Variants in KIF18A observed in about 807,000 individuals in gnomAD.
KIF18A encodes kinesin family member 18A.
A neutral mutation model predicts 103.3 loss-of-function variants in KIF18A; 67 were observed. The ratio of observed to expected loss-of-function variants is 0.65; its 90% CI spans 0.53 to 0.79. The LOEUF (loss-of-function observed/expected upper bound fraction) is 0.79. Ranked by LOEUF, KIF18A falls within the 30% of genes least tolerant of loss-of-function variation. The pLI is 0.00. For missense variants in KIF18A, 1,032 were observed against 1,062.5 expected (o/e 0.97, Z 0.40); for synonymous variants, 367 against 355.5 (o/e 1.03, Z -0.36).
chr11:28,022,547 G>A (rs1850260807), intron 16 of KIF18A, among the ~76,000 whole-genome samples: 1 of 152,162 alleles, frequency 6.6e-6, no homozygotes, highest in Non-Finnish European at 1.5e-5. Context: ...GATTACAGGC[G>A]TGAGCCACGG....
In KIF18A at chr11:28,097,837, C is replaced by T; in HGVS notation, c.111G>A (p.Val37=). The T allele has an allele frequency of 6.2e-7, 1 of 1,613,232 alleles. No individual in the cohort carries two copies. The highest frequency in any genetic ancestry group is 8.5e-7 in the Non-Finnish European group (1 of 1,179,522). The change falls in exon 2 of 17, where the codon GTG becomes GTA. Residue 37 remains valine, a synonymous_variant. Coordinates refer to ENST00000263181, the MANE Select transcript of KIF18A (RefSeq NM_031217.4). ...AAGFHKVVHV[V]DKHILVFDPK... The stretch of plus-strand genomic sequence containing the variant: ...GATCAAAAACTAGGATATGTTTATC[C>T]ACAACATGAACCACTTTATGAAATC...
intron 13 of KIF18A, among the ~76,000 whole-genome samples, chr11:28,039,082 T>C (rs1346272412): frequency 6.6e-6 from 1 of 151,628 alleles, no homozygotes; most frequent in African/African-American, 2.4e-5. Context: ...CCAAGTGACC[T>C]TGGGCAACTC....
chr11:28,050,318 G>T (rs989485338), intron 13 of KIF18A, among the ~76,000 whole-genome samples: 5 of 151,802 alleles, frequency 3.3e-5, no homozygotes, highest in Non-Finnish European at 7.4e-5. Flanking sequence ...TGTATTTAGG[G>T]ATACAAGCAT....
At chr11:28,042,907 A>T (rs1360156744) in intron 13 of KIF18A, among the ~76,000 whole-genome samples, 2 of 151,900 alleles carry the variant, frequency 1.3e-5, no homozygotes, top group African/African-American at 4.8e-5. Context: ...TGTATAGCTC[A>T]GACTCTTAAG....
intron 13 of KIF18A, among the ~76,000 whole-genome samples, chr11:28,050,160 TCA>T (rs1565076033): frequency 1.3e-5 from 2 of 151,838 alleles, no homozygotes; most frequent in East Asian, 1.9e-4. Flanking sequence ...TGTTTCTCTC[TCA>T]GTTTCATTTT....
intron 11 of KIF18A, among the ~76,000 whole-genome samples, chr11:28,066,703 A>G (rs1444635101): frequency 6.6e-6 from 1 of 150,552 alleles, no homozygotes; most frequent in Non-Finnish European, 1.5e-5. Flanking sequence ...CAGCTGGAAG[A>G]AAATCTACAC....
At chr11:28,107,902 C>A (rs1220432462) in intron 1 of KIF18A, among the ~76,000 whole-genome samples, 162 bp downstream of exon 1, 1 of 152,148 alleles carries the variant, frequency 6.6e-6, no homozygotes, top group Non-Finnish European at 1.5e-5. Context: ...TTCTCGAATC[C>A]CTTTTTCCTT....
intron 10 of KIF18A, among the ~76,000 whole-genome samples, chr11:28,071,503 A>G (rs1367574404): frequency 6.7e-6 from 1 of 149,036 alleles, no homozygotes; most frequent in Non-Finnish European, 1.5e-5. Context: ...TTTTATTAAT[A>G]TAATTTTTAT....
intron 5 of KIF18A, among the ~76,000 whole-genome samples, chr11:28,090,404 T>G (rs1851286067): frequency 6.6e-6 from 1 of 152,232 alleles, no homozygotes; most frequent in Admixed American, 6.5e-5. Flanking sequence ...TCCTCCTGTA[T>G]GTTTACAAAG....
intron 1 of KIF18A, among the ~76,000 whole-genome samples, chr11:28,099,058 C>G (rs1031844732): frequency 6.6e-6 from 1 of 152,042 alleles, no homozygotes; most frequent in African/African-American, 2.4e-5. Context: ...CAACATTATT[C>G]ACAATAACTA....
At chr11:28,046,090 T>C (rs1850628991) in intron 13 of KIF18A, among the ~76,000 whole-genome samples, 1 of 151,324 alleles carries the variant, frequency 6.6e-6, no homozygotes, top group Non-Finnish European at 1.5e-5. Flanking sequence ...TTTTACACTG[T>C]TGGTGGGACT....
chr11:28,048,588 T>C (rs1256715135), intron 13 of KIF18A, among the ~76,000 whole-genome samples: 1 of 152,082 alleles, frequency 6.6e-6, no homozygotes, highest in African/African-American at 2.4e-5. Context: ...TAAAACTAAA[T>C]ACTAATATAA....
rs1850484452 is a variant in KIF18A, at chr11:28,036,156, C to T, written c.2396+61G>A. 3.7e-6 allele frequency: 4 copies of T among 1,084,144 alleles called. No individual in the cohort carries two copies. In the East Asian group the frequency reaches 9.9e-5, roughly 27 times the overall value. 67.2% of individuals were successfully genotyped at this position (1,084,144 alleles called of 1,614,324 possible). A position where few individuals can be genotyped will look rare whatever the true frequency, so the allele number is the denominator to read the frequency against. On this transcript the variant is annotated intron_variant, in intron 14 of 16. Transcript: ENST00000263181. ...CACACTTGGTTTATGAAATAAACCT[C>T]AACTAATAGTTGAAAGTCTATGTTA...
intron 3 of KIF18A, among the ~76,000 whole-genome samples, chr11:28,093,641 A>G (rs908141295): frequency 6.6e-6 from 1 of 152,172 alleles, no homozygotes; most frequent in Non-Finnish European, 1.5e-5. Context: ...CAATTTGAAC[A>G]TACAAAAAAT....
chr11:28,098,124 A>AATAC, intron 1 of KIF18A, 131 bp from the exon 2 acceptor site: 1 of 537,406 alleles, frequency 1.9e-6, no homozygotes, highest in Non-Finnish European at 3.2e-6. Flanking sequence ...CTGGGGGAAA[A>AATAC]ATACATACAT....
chr11:28,023,762 G>A lies in KIF18A; in HGVS notation c.2593C>T (p.Gln865Ter). The A allele has an allele frequency of 1.2e-6, 2 of 1,609,004 alleles. No homozygotes were observed. The highest frequency in any genetic ancestry group is 2.2e-5 in the South Asian group (2 of 90,834). The change falls in exon 16 of 17, where the codon CAA (glutamine) becomes TAA (stop). Residue 865 changes from glutamine (Q) to a stop codon, truncating the protein, a stop_gained. Transcript: ENST00000263181. LOFTEE classifies it high-confidence loss of function. The part of the protein sequence containing the change: ...RQDNSSEKHL[Q>*]ENKPTMEHKR... ...ATACCCATTGTTGGTTTGTTTTCTT[G>A]TAAGTGCTTCTCACTTGAATTATCT...
At chr11:28,066,624 A>G (rs965674812) in intron 11 of KIF18A, among the ~76,000 whole-genome samples, 1 of 151,706 alleles carries the variant, frequency 6.6e-6, no homozygotes, top group Non-Finnish European at 1.5e-5. Context: ...GTGTCAATGG[A>G]AGGGCTTTAG....
rs1851347641 is a variant in KIF18A at position 28,094,761 on chromosome 11, GTGTGGGTCTTCCCAGCA to G, written c.348_364del (p.Ala117TyrfsTer6). The G allele has an allele frequency of 6.2e-7, 1 of 1,613,838 alleles. No individual in the cohort carries two copies. Among genetic ancestry groups the G allele is most frequent in the Admixed American group, 1.7e-5 (1 of 59,994 alleles). On this transcript the variant is annotated frameshift_variant, in exon 3 of 17. Transcript: ENST00000263181. LOFTEE classifies it high-confidence loss of function. ...AGGTTCATCAGCTGATCCTAGCATA[GTGTGGGTCTTCCCAGCA>G]CCAGTGGCACCATAGGCAAGTACTG...
Position 28,084,752 on chromosome 11 carries a change from A to T in KIF18A, c.954T>A (p.Asp318Glu). The change falls in exon 7 of 17, where the codon GAT becomes GAA. Residue 318 changes from aspartate to glutamate, a missense_variant. Transcript: ENST00000263181. Reference sequence around the variant, plus strand: ...TAGTTTGACAGTTTCCTCCAAGAGAATCCTTTAACAAGCGAGTAAGCTTAC... The same window carrying T: ...TAGTTTGACAGTTTCCTCCAAGAGATTCCTTTAACAAGCGAGTAAGCTTAC... Reference protein sequence around the residue: ...RNSKLTRLLKDSLGGNCQTIM... With the variant: ...RNSKLTRLLKESLGGNCQTIM... The T allele has an allele frequency of 6.2e-7, 1 of 1,613,194 alleles. No individual in the cohort carries two copies. Among genetic ancestry groups the T allele is most frequent in the South Asian group, 1.1e-5 (1 of 91,056 alleles).
Sources: allele counts gnomAD v4.1 joint callset (sites outside exome capture counted in the v4.1 genomes callset), GRCh38; gene constraint gnomAD v4.1.1; transcripts MANE v1.5; gene names NCBI Gene and HGNC (gene_info 2026-07-23, HGNC 2026-07-21).